The following FLNB variants were observed in gnomAD, a reference collection of about 807,000 sequenced individuals.
The protein encoded by FLNB is filamin-B.
Under a neutral mutation model 250.6 loss-of-function variants are expected in FLNB, and 111 were observed. The ratio of observed to expected loss-of-function variants is 0.44; its 90% CI spans 0.38 to 0.52. FLNB has a LOEUF of 0.52. Among genes scored for constraint, FLNB ranks in the 20% least tolerant of loss-of-function variants. The probability of loss-of-function intolerance (pLI) is 0.00; values close to 1 mark genes in which losing one functional copy is unlikely to be tolerated. For missense variants in FLNB, 2,869 were observed against 3,447.8 expected (o/e 0.83, Z 4.20); for synonymous variants, 1,302 against 1,372.1 (o/e 0.95, Z 1.13).
At position 58,110,081 on chromosome 3, in the gene FLNB, A is replaced by G. The variant is rs1265696648; in HGVS notation, c.2395A>G (p.Ile799Val). The change falls in exon 16 of 46, where the codon ATT (isoleucine) becomes GTT (valine). Residue 799 changes from isoleucine (I) to valine (V), a missense_variant. Coordinates refer to ENST00000295956, the MANE Select transcript of FLNB (RefSeq NM_001457.4). ...AGATGAGGAAGACGTGGATTTTGAC[A>G]TTATTCACAATGCCAATGATACGTT... The part of the protein sequence containing the change: ...SEDEEDVDFD[I>V]IHNANDTFTV... 14 of 1,614,016 alleles carry G rather than the reference A, an allele frequency of 8.7e-6. No homozygotes were observed. The highest frequency in any genetic ancestry group is 1.0e-5 in the Non-Finnish European group (12 of 1,180,010).
chr3:58,127,325 C>CAA (rs879263542), intron 24 of FLNB, among the ~76,000 whole-genome samples: 5 of 117,918 alleles, frequency 4.2e-5, no homozygotes, highest in East Asian at 4.9e-4. Context: ...GACCCTGTCT[C>CAA]AAAAAAAAAA....
chr3:58,046,256 C>T (rs573824292), intron 1 of FLNB, among the ~76,000 whole-genome samples: 3 of 152,100 alleles, frequency 2.0e-5, no homozygotes, highest in East Asian at 3.9e-4. Context: ...CTTGTAACTA[C>T]AATACTGCCT....
intron 22 of FLNB, 42 bp from the exon 23 acceptor site, chr3:58,125,539 A>T (rs1559712541): frequency 6.2e-7 from 1 of 1,606,172 alleles, no homozygotes; most frequent in Admixed American, 1.7e-5. Flanking sequence ...CAAATAGGGG[A>T]TTTGTATGCA....
rs149921907 is a variant in FLNB at position 58,130,895 on chromosome 3, T to C, written c.4377T>C (p.Val1459=). The C allele has an allele frequency of 4.0e-4, 650 of 1,611,736 alleles. 6 individuals carry two copies. The African/African-American group carries it at 7.7e-3, about 19-fold the overall frequency. ...GCCTGGCTCCGCTGGAAGTGAGGGT[T>C]CTGGGCCCACGAGGTAAGTGTGCAC... is the stretch of plus-strand genomic sequence containing the variant. ...KAGLAPLEVR[V]LGPRGLVEPV... The change falls in exon 25 of 46, where the codon GTT becomes GTC. Residue 1459 remains valine, a synonymous_variant. Transcript: ENST00000295956.
intron 18 of FLNB, among the ~76,000 whole-genome samples, chr3:58,116,606 G>A (rs2097278424): frequency 1.3e-5 from 2 of 152,212 alleles, no homozygotes; most frequent in African/African-American, 4.8e-5. Flanking sequence ...GTCCCTTGAG[G>A]ATGCAAAAGT....
At position 58,109,307 on chromosome 3, in the gene FLNB, G is replaced by T. The variant is rs763117090; in HGVS notation, c.2184G>T (p.Pro728=). The T allele has an allele frequency of 2.5e-6, 4 of 1,613,646 alleles. No homozygotes were observed. Among genetic ancestry groups the T allele is most frequent in the Non-Finnish European group, 3.4e-6 (4 of 1,179,832 alleles). ...TGGTCTGGGGAGGCGTGAACATCCCGCACAGCCCCTACAGGGTAGGTTGTG... is the reference window on the plus strand; with the variant it reads ...TGGTCTGGGGAGGCGTGAACATCCCTCACAGCCCCTACAGGGTAGGTTGTG... ...IAVVWGGVNI[P]HSPYRVNIGQ... is the part of the protein sequence containing the mutation. The change falls in exon 14 of 46, where the codon CCG becomes CCT. Residue 728 remains proline, a synonymous_variant. Coordinates refer to ENST00000295956, the MANE Select transcript of FLNB (RefSeq NM_001457.4).
At chr3:58,030,909 G>C (rs1037324115) in intron 1 of FLNB, among the ~76,000 whole-genome samples, 1 of 152,004 alleles carries the variant, frequency 6.6e-6, no homozygotes, top group African/African-American at 2.4e-5. Context: ...AAAATCTTAT[G>C]TACCCCATAA....
At chr3:58,108,433 G>C in intron 12 of FLNB, 25 bp from the exon 13 acceptor site, 1 of 1,481,536 alleles carries the variant, frequency 6.7e-7, no homozygotes, top group Non-Finnish European at 9.4e-7. Context: ...CACAGAAAGA[G>C]ACTTACTATC....
intron 17 of FLNB, 125 bp from the exon 18 acceptor site, chr3:58,112,024 G>A (rs925778809): frequency 1.0e-4 from 120 of 1,177,488 alleles, no homozygotes; most frequent in Non-Finnish European, 1.4e-4. Context: ...TGATGCAGCA[G>A]TGGCTGGCCA....
chr3:58,153,600 C>T lies in FLNB; in HGVS notation c.6593C>T (p.Ala2198Val). The T allele has an allele frequency of 1.2e-6, 2 of 1,614,138 alleles. No individual in the cohort carries two copies. The highest frequency in any genetic ancestry group is 3.3e-5 in the Admixed American group (2 of 60,020). The change falls in exon 39 of 46, where the codon GCA (alanine) becomes GTA (valine). Residue 2198 changes from alanine (A) to valine (V), a missense_variant. By Grantham distance (64) the Ala-to-Val change is moderately conservative. Around this residue, in one of 5 missense-constraint regions of FLNB, gnomAD observed 1,084 missense variants for 1,315.5 expected, o/e 0.82. Transcript: ENST00000295956. Reference protein sequence around the residue: ...LGEGGAHKVRAGGPGLERGEA... With the variant: ...LGEGGAHKVRVGGPGLERGEA... ...GAAGGAGGCGCCCACAAGGTGCGGG[C>T]AGGAGGCCCTGGCCTGGAGAGAGGA...
chr3:58,130,016 C>T (rs774710670), intron 24 of FLNB, among the ~76,000 whole-genome samples: 4 of 152,164 alleles, frequency 2.6e-5, no homozygotes, highest in Non-Finnish European at 5.9e-5. Context: ...CAGGGTCCCC[C>T]GGGGGGTCAG....
intron 1 of FLNB, among the ~76,000 whole-genome samples, chr3:58,038,595 AT>A (rs750245061): frequency 3.9e-3 from 560 of 143,540 alleles, no homozygotes; most frequent in African/African-American, 3.2e-3. Context: ...CAGTTAATTA[AT>A]TTTTTTTTTT....
intron 36 of FLNB, 144 bp downstream of exon 36, chr3:58,148,996 T>C (rs2097340499): frequency 1.3e-6 from 1 of 783,198 alleles, no homozygotes; most frequent in Non-Finnish European, 2.2e-6. Flanking sequence ...CATTGTCTTT[T>C]ATGCCTCATG....
chr3:58,163,415 G>C, intron 43 of FLNB, 85 bp downstream of exon 43: 1 of 1,415,256 alleles, frequency 7.1e-7, no homozygotes, highest in African/African-American at 1.4e-5. Flanking sequence ...CCCCATGAAA[G>C]CTTTTTACAC....
rs770194540 is a variant in FLNB at position 58,094,794 on chromosome 3, C to G, written c.788-42C>G. On this transcript the variant is annotated intron_variant, in intron 4 of 45. Coordinates refer to ENST00000295956, the MANE Select transcript of FLNB (RefSeq NM_001457.4). ...GCAGTGGGCGATGGCTCATGACACA[C>G]CCTCGCCTGGCTTCTAACATGTCTG... The G allele has an allele frequency of 9.7e-6, 15 of 1,540,086 alleles. No individual in the cohort carries two copies. In the Admixed American group the frequency reaches 1.3e-4, roughly 14 times the overall value.
chr3:58,107,004 G>A lies in FLNB; in HGVS notation c.1941+131G>A, dbSNP rs561296781. ...TCATTTGGATTTTAGGAAGGAAACA[G>A]GCCTGCATTTGTTTGTTTGTTTGTT... On this transcript the variant is annotated intron_variant, in intron 12 of 45. Transcript: ENST00000295956. The A allele has an allele frequency of 5.4e-6, 4 of 742,080 alleles. No individual in the cohort carries two copies. The South Asian group carries it at 6.0e-5, about 11-fold the overall frequency. The allele number at this position is 742,080 out of a possible 1,614,324, so 46.0% of individuals were successfully genotyped here. A position where few individuals can be genotyped will look rare whatever the true frequency, so the allele number is the denominator to read the frequency against.
intron 18 of FLNB, among the ~76,000 whole-genome samples, chr3:58,116,080 G>A (rs2097277340): frequency 6.6e-6 from 1 of 152,096 alleles, no homozygotes; most frequent in Non-Finnish European, 1.5e-5. Flanking sequence ...CATGGCGCCT[G>A]GATTCACAAG....
rs139013348 is a variant in FLNB at position 58,078,884 on chromosome 3, G to A, written c.639+70G>A. ...TAGCTTGTTCTGTGGATGCCTTCCC[G>A]GGTCAGGCAGCCCGACCTTCTTGGC... On this transcript the variant is annotated intron_variant, in intron 3 of 45. Coordinates refer to ENST00000295956, the MANE Select transcript of FLNB (RefSeq NM_001457.4). 353 of 1,167,380 alleles carry A rather than the reference G, an allele frequency of 3.0e-4. 2 individuals are homozygous for A. In the African/African-American group the frequency reaches 3.6e-3, roughly 12 times the overall value. 72.3% of individuals were successfully genotyped at this position (1,167,380 alleles called of 1,614,324 possible). A position where few individuals can be genotyped will look rare whatever the true frequency, so the allele number is the denominator to read the frequency against.
chr3:58,011,855 A>C (rs1576581142), intron 1 of FLNB, among the ~76,000 whole-genome samples: 2 of 152,192 alleles, frequency 1.3e-5, no homozygotes, highest in East Asian at 3.8e-4. Flanking sequence ...TGTCCTGGGC[A>C]TGTGTTGCTT....
Sources: gnomAD v4.1 joint callset for allele counts (sites outside exome capture counted in the v4.1 genomes callset) on GRCh38, gnomAD v4.1.1 for gene constraint, gnomAD v4.1.1 regional missense constraint, MANE v1.5 for transcripts, NCBI Gene and HGNC (gene_info 2026-07-23, HGNC 2026-07-21) for gene names.